CHIC1: variants seen among roughly 807,000 people sequenced by gnomAD.
The protein encoded by CHIC1 is cysteine-rich hydrophobic domain-containing protein 1.
In CHIC1, 7 loss-of-function variants were observed where a neutral mutation model predicts 18.5. The observed-to-expected ratio is 0.38, with a 90% CI of 0.22 to 0.71. CHIC1 has a LOEUF of 0.71. Ranked by LOEUF, CHIC1 falls within the 30% of genes least tolerant of loss-of-function variation. The pLI is 0.49. For synonymous variants in CHIC1, 77 were observed against 73.5 expected, an observed-to-expected ratio of 1.05 and a Z score of -0.25; for missense variants, 159 against 176.9, an observed-to-expected ratio of 0.90 and a Z score of 0.57.
At chrX:73,590,118 A>T (rs2057574339) in intron 3 of CHIC1, among the ~76,000 whole-genome samples, 1 of 110,250 alleles carries the variant, frequency 9.1e-6, no homozygotes, top group South Asian at 3.8e-4. Flanking sequence ...CTTGGAATTT[A>T]TTTGGCTTCT....
intron 1 of CHIC1, among the ~76,000 whole-genome samples, chrX:73,575,568 A>G (rs1033645821): frequency 2.7e-5 from 3 of 110,215 alleles, no homozygotes; most frequent in Non-Finnish European, 5.8e-5. Context: ...TTGTAACACA[A>G]TGGTAAGTAT....
chrX:73,600,567 T>C (rs368173646), intron 3 of CHIC1, among the ~76,000 whole-genome samples: 1 of 106,511 alleles, frequency 9.4e-6, no homozygotes. Flanking sequence ...TTGTCAAAGG[T>C]TTTTTCTGCA....
intron 3 of CHIC1, among the ~76,000 whole-genome samples, chrX:73,671,623 T>C (rs1003382592): frequency 2.7e-5 from 3 of 111,767 alleles, no homozygotes; most frequent in Non-Finnish European, 5.6e-5. Flanking sequence ...TGTTTTGTTC[T>C]TTTTAATGAT....
At chrX:73,680,146 T>A (rs1312492195) in intron 5 of CHIC1, among the ~76,000 whole-genome samples, 1 of 108,457 alleles carries the variant, frequency 9.2e-6, no homozygotes, top group Non-Finnish European at 1.9e-5. Context: ...GAAGAAACTG[T>A]AGGTTCTAAT....
chrX:73,606,780 A>T (rs1167983577), intron 3 of CHIC1, among the ~76,000 whole-genome samples: 1 of 108,692 alleles, frequency 9.2e-6, no homozygotes, highest in Admixed American at 9.6e-5. Flanking sequence ...TTCACTTCAG[A>T]CCCTGTTTGC....
intron 3 of CHIC1, among the ~76,000 whole-genome samples, chrX:73,591,646 A>G (rs1303841047): frequency 9.0e-6 from 1 of 111,131 alleles, no homozygotes; most frequent in Non-Finnish European, 1.9e-5. Context: ...TCATTGCCAA[A>G]CCCAAGGTCA....
chrX:73,597,589 A>G (rs1321105445), intron 3 of CHIC1, among the ~76,000 whole-genome samples: 1 of 106,070 alleles, frequency 9.4e-6, no homozygotes, highest in East Asian at 2.9e-4. Flanking sequence ...ATACATATAT[A>G]CACACATATA....
At position 73,590,107 on chromosome X, in the gene CHIC1, A is replaced by G. The variant is rs143504770; in HGVS notation, c.507+5535A>G. On this transcript the variant is annotated intron_variant, in intron 3 of 5. Coordinates refer to ENST00000373502, the MANE Select transcript of CHIC1 (RefSeq NM_001039840.4). ...GTATGGTTCACTTTGAGTTTATCCT[A>G]CTTGGAATTTATTTGGCTTCTTGGA... Among the ~76,000 whole-genome samples, 703 of 110,393 alleles carry G rather than the reference A, an allele frequency of 6.4e-3. 8 individuals are homozygous for G. The highest frequency in any genetic ancestry group is 0.022 in the African/African-American group (659 of 30,460).
chrX:73,563,560 G>A lies in CHIC1; in HGVS notation c.276G>A (p.Arg92=). 9.0e-7 allele frequency: 1 copy of A among 1,113,442 alleles called. No individual in the cohort carries two copies. The highest frequency in any genetic ancestry group is 3.2e-5 in the East Asian group (1 of 31,316). 91.8% of individuals were successfully genotyped at this position (1,113,442 alleles called of 1,213,427 possible). A position where few individuals can be genotyped will look rare whatever the true frequency, so the allele number is the denominator to read the frequency against. ...RRYAPDPVLV[R]GAGHITVFGL... is the part of the protein sequence containing the mutation. Reference sequence around the variant, plus strand: ...ATGCTCCCGACCCTGTATTAGTGCGGGGTGCCGGCCACATCACTGTGTAAG... The same window carrying A: ...ATGCTCCCGACCCTGTATTAGTGCGAGGTGCCGGCCACATCACTGTGTAAG... Residue 92 remains arginine (R), a synonymous_variant, in exon 1 of 6, where the codon CGG becomes CGA. Coordinates refer to ENST00000373502, the MANE Select transcript of CHIC1 (RefSeq NM_001039840.4).
chrX:73,668,980 C>T (rs1324306164), intron 3 of CHIC1, among the ~76,000 whole-genome samples: 1 of 112,897 alleles, frequency 8.9e-6, no homozygotes, highest in Non-Finnish European at 1.9e-5. Context: ...GCCTGCCTCG[C>T]CCCTCAGGCA....
intron 3 of CHIC1, among the ~76,000 whole-genome samples, chrX:73,672,892 GT>G (rs2058039469): frequency 8.9e-6 from 1 of 111,757 alleles, no homozygotes; most frequent in Non-Finnish European, 1.9e-5. Flanking sequence ...GGTTTCTATG[GT>G]TTTAGGTCTA....
At chrX:73,655,310 A>ATG (rs1223844505) in intron 3 of CHIC1, among the ~76,000 whole-genome samples, 2 of 104,041 alleles carry the variant, frequency 1.9e-5, no homozygotes, top group Non-Finnish European at 3.9e-5. Context: ...GTGTGTATGT[A>ATG]TATATATACA....
At chrX:73,614,588 C>T (rs957533036) in intron 3 of CHIC1, among the ~76,000 whole-genome samples, 2 of 109,959 alleles carry the variant, frequency 1.8e-5, no homozygotes, top group East Asian at 2.9e-4. Flanking sequence ...TTTTGTCTGA[C>T]TAGGTTATTT....
intron 3 of CHIC1, among the ~76,000 whole-genome samples, chrX:73,592,940 G>C (rs2057589292): frequency 9.1e-6 from 1 of 110,356 alleles, no homozygotes. Context: ...TTGAGAGCCT[G>C]TGTGTTTGCA....
rs2057576522 is a variant in CHIC1 at position 73,590,525 on chromosome X, G to A, written c.507+5953G>A. On this transcript the variant is annotated intron_variant, in intron 3 of 5. Coordinates refer to ENST00000373502, the MANE Select transcript of CHIC1 (RefSeq NM_001039840.4). ...CACTCTTTGTGTTCTACATCCTATGGATTTTGGCAAGTGTATAATGATATG... is the reference window on the plus strand; with the variant it reads ...CACTCTTTGTGTTCTACATCCTATGAATTTTGGCAAGTGTATAATGATATG... 2.7e-5 allele frequency among the ~76,000 whole-genome samples: 3 copies of A among 110,934 alleles called. No individual in the cohort carries two copies. The Admixed American group carries it at 2.9e-4, about 11-fold the overall frequency.
chrX:73,613,701 A>G (rs1241602098), intron 3 of CHIC1, among the ~76,000 whole-genome samples: 1 of 111,972 alleles, frequency 8.9e-6, no homozygotes, highest in Non-Finnish European at 1.9e-5. Context: ...TTTCTTTTAA[A>G]TGGAAAGTTT....
At position 73,609,997 on chromosome X, in the gene CHIC1, C is replaced by G. The variant is rs1266413806; in HGVS notation, c.507+25425C>G. On this transcript the variant is annotated intron_variant, in intron 3 of 5. Coordinates refer to ENST00000373502, the MANE Select transcript of CHIC1 (RefSeq NM_001039840.4). ...CATTCAAACTTACTCCTTTTAACTG[C>G]ATGTTTATACCTATTAAACAACATC... 3.7e-5 allele frequency among the ~76,000 whole-genome samples: 4 copies of G among 108,031 alleles called. No individual in the cohort carries two copies. The Admixed American group carries it at 3.9e-4, about 10-fold the overall frequency. 93.8% of individuals were successfully genotyped at this position (108,031 alleles called of 115,157 possible). A position where few individuals can be genotyped will look rare whatever the true frequency, so the allele number is the denominator to read the frequency against.
intron 3 of CHIC1, among the ~76,000 whole-genome samples, chrX:73,678,505 G>A (rs910241807): frequency 8.9e-6 from 1 of 111,997 alleles, no homozygotes; most frequent in Admixed American, 9.4e-5. Context: ...CTGGGGTCCT[G>A]GGGGGAGGAC....
chrX:73,651,607 C>A (rs1324243204), intron 3 of CHIC1, among the ~76,000 whole-genome samples: 3 of 110,786 alleles, frequency 2.7e-5, no homozygotes, highest in Non-Finnish European at 3.8e-5. Flanking sequence ...AAAGCCAAAT[C>A]ATGAGTGAAC....
Sources: allele counts gnomAD v4.1 joint callset (sites outside exome capture counted in the v4.1 genomes callset), GRCh38; gene constraint gnomAD v4.1.1; transcripts MANE v1.5; gene names NCBI Gene and HGNC (gene_info 2026-07-23, HGNC 2026-07-21).